The following SCAPER variants were observed in gnomAD, a reference collection of about 807,000 sequenced individuals.
SCAPER encodes S-phase cyclin A associated protein in the ER, also known as S phase cyclin A-associated protein in the endoplasmic reticulum.
SCAPER carries 98 observed loss-of-function variants against 182.2 expected under a neutral mutation model. The observed-to-expected ratio is 0.54, with a 90% CI of 0.46 to 0.64. SCAPER has a LOEUF of 0.64. Among genes scored for constraint, SCAPER ranks in the 30% least tolerant of loss-of-function variants. The pLI is 0.00. For synonymous variants in SCAPER, 605 were observed against 564.6 expected (o/e 1.07, Z -1.01); for missense variants, 1,432 against 1,690.0 (o/e 0.85, Z 2.68).
intron 22 of SCAPER, among the ~76,000 whole-genome samples, chr15:76,611,557 A>T (rs940976558): frequency 6.6e-6 from 1 of 152,154 alleles, no homozygotes; most frequent in Non-Finnish European, 1.5e-5. Context: ...AGGAGGAGGG[A>T]CTCCACCTTA....
chr15:76,813,248 A>C lies in SCAPER; in HGVS notation c.394-8615T>G, dbSNP rs1598875286. 9.7e-5 allele frequency among the ~76,000 whole-genome samples: 6 copies of C among 61,862 alleles called. 1 individual carries two copies. Among genetic ancestry groups the C allele is most frequent in the African/African-American group, 1.9e-4 (6 of 31,306 alleles). 40.6% of individuals were successfully genotyped at this position (61,862 alleles called of 152,430 possible). On this transcript the variant is annotated intron_variant, in intron 5 of 31. Coordinates refer to ENST00000563290, the MANE Select transcript of SCAPER (RefSeq NM_020843.4). Reference sequence around the variant, plus strand: ...TCACTAAAAAAAAAAAAAAAAAAAAAAAAAAAACAACTCAACAAAATAGGT... The same window carrying C: ...TCACTAAAAAAAAAAAAAAAAAAAACAAAAAAACAACTCAACAAAATAGGT...
At chr15:76,769,795 G>T (rs1335403714) in intron 10 of SCAPER, among the ~76,000 whole-genome samples, 1 of 152,176 alleles carries the variant, frequency 6.6e-6, no homozygotes, top group Non-Finnish European at 1.5e-5. Flanking sequence ...AGACAGTGTG[G>T]TGATTCCTTA....
chr15:76,727,937 T>C (rs1020933191), intron 17 of SCAPER, among the ~76,000 whole-genome samples: 7 of 151,994 alleles, frequency 4.6e-5, no homozygotes, highest in African/African-American at 1.4e-4. Flanking sequence ...CTCATAAACA[T>C]GTGAAAAAGT....
At chr15:76,724,211 C>T (rs559539171) in intron 17 of SCAPER, among the ~76,000 whole-genome samples, 1 of 149,594 alleles carries the variant, frequency 6.7e-6, no homozygotes, top group South Asian at 2.1e-4. Context: ...ATATGAAATA[C>T]TGGGTTGAAA....
At chr15:76,553,616 T>A (rs1383232331) in intron 23 of SCAPER, among the ~76,000 whole-genome samples, 1 of 152,016 alleles carries the variant, frequency 6.6e-6, no homozygotes, top group Non-Finnish European at 1.5e-5. Flanking sequence ...CCTAGGCCCC[T>A]CCAGCACAGC....
At chr15:76,551,839 A>T (rs1238118852) in intron 23 of SCAPER, among the ~76,000 whole-genome samples, 1 of 152,134 alleles carries the variant, frequency 6.6e-6, no homozygotes, top group East Asian at 1.9e-4. Flanking sequence ...TTATGAGTCA[A>T]TTATATATAA....
chr15:76,802,160 A>C (rs2065843049), intron 6 of SCAPER, among the ~76,000 whole-genome samples: 1 of 152,188 alleles, frequency 6.6e-6, no homozygotes, highest in Admixed American at 6.5e-5. Flanking sequence ...AAAAAATGAA[A>C]AGAAAAAGAA....
chr15:76,474,998 C>A (rs986652689), intron 24 of SCAPER, among the ~76,000 whole-genome samples: 1 of 152,138 alleles, frequency 6.6e-6, no homozygotes, highest in Non-Finnish European at 1.5e-5. Context: ...TTCTATCTAG[C>A]AAATTCTCCA....
At chr15:76,450,197 G>C (rs1248328323) in intron 25 of SCAPER, among the ~76,000 whole-genome samples, 1 of 152,144 alleles carries the variant, frequency 6.6e-6, no homozygotes, top group East Asian at 1.9e-4. Context: ...GCATATTCTT[G>C]TCTGAAAAGG....
chr15:76,595,798 G>C (rs928419568), intron 22 of SCAPER, among the ~76,000 whole-genome samples: 1 of 121,948 alleles, frequency 8.2e-6, no homozygotes, highest in Non-Finnish European at 2.0e-5. Context: ...AGAATCTCTG[G>C]GACACTGCCA....
intron 11 of SCAPER, among the ~76,000 whole-genome samples, chr15:76,766,456 T>G (rs1402217737): frequency 6.6e-6 from 1 of 152,106 alleles, no homozygotes; most frequent in Non-Finnish European, 1.5e-5. Flanking sequence ...TTTCTATAAA[T>G]TATAATCTCA....
At chr15:76,793,122 A>C in intron 8 of SCAPER, 10 of 626,870 alleles carry the variant, frequency 1.6e-5, no homozygotes, top group Non-Finnish European at 2.1e-5. Context: ...AGAGAACATT[A>C]AATGCATGTG....
intron 15 of SCAPER, among the ~76,000 whole-genome samples, chr15:76,733,989 T>C (rs2061082559): frequency 6.6e-6 from 1 of 152,230 alleles, no homozygotes; most frequent in African/African-American, 2.4e-5. Context: ...TTTAAATTCT[T>C]ATACAGACCA....
rs1309505723 is a variant in SCAPER, at chr15:76,601,325, G to T, written c.2711+20439C>A. On this transcript the variant is annotated intron_variant, in intron 22 of 31. Coordinates refer to ENST00000563290, the MANE Select transcript of SCAPER (RefSeq NM_020843.4). Reference sequence around the variant, plus strand: ...CAATTACAGTCATATGCTGTATAAGGATGTTTCAGTCAATGACAGACTGCA... The same window carrying T: ...CAATTACAGTCATATGCTGTATAAGTATGTTTCAGTCAATGACAGACTGCA... Among the ~76,000 whole-genome samples the T allele has an allele frequency of 1.6e-5, 2 of 121,722 alleles. 1 individual carries two copies. Among genetic ancestry groups the T allele is most frequent in the Non-Finnish European group, 4.0e-5 (2 of 50,076 alleles). The allele number at this position is 121,722 out of a possible 152,430, so 79.9% of individuals were successfully genotyped here. A position where few individuals can be genotyped will look rare whatever the true frequency, so the allele number is the denominator to read the frequency against.
chr15:76,655,934 C>A (rs564930687), intron 21 of SCAPER, among the ~76,000 whole-genome samples: 11 of 151,714 alleles, frequency 7.3e-5, no homozygotes, highest in Non-Finnish European at 1.6e-4. Flanking sequence ...TTATCATGGC[C>A]CACAAAAACA....
chr15:76,607,999 A>T (rs1003429266), intron 22 of SCAPER, among the ~76,000 whole-genome samples: 2 of 152,122 alleles, frequency 1.3e-5, no homozygotes, highest in Admixed American at 1.3e-4. Context: ...GATCGTCTGA[A>T]GCCTTCTTCT....
intron 2 of SCAPER, among the ~76,000 whole-genome samples, chr15:76,876,625 T>C (rs1032995216): frequency 1.3e-5 from 2 of 152,128 alleles, no homozygotes; most frequent in Non-Finnish European, 2.9e-5. Flanking sequence ...AATAAATTTA[T>C]ATTTATTAAC....
At chr15:76,384,525 T>C (rs1313402389) in intron 27 of SCAPER, among the ~76,000 whole-genome samples, 1 of 152,220 alleles carries the variant, frequency 6.6e-6, no homozygotes, top group Non-Finnish European at 1.5e-5. Flanking sequence ...AAAACACTCA[T>C]CTGATGGATT....
rs547856104 is a variant in SCAPER, at chr15:76,447,955, G to A, written c.3079-13645C>T. Among the ~76,000 whole-genome samples the A allele has an allele frequency of 7.2e-5, 11 of 152,296 alleles. No individual in the cohort carries two copies. The South Asian group carries it at 2.1e-3, about 29-fold the overall frequency. On this transcript the variant is annotated intron_variant, in intron 25 of 31. Transcript: ENST00000563290. ...CCTGAGCTGAGTCTCACAGAAAGAG[G>A]AAAAACTTAGCCTGCTGGGATGGTG... is the stretch of plus-strand genomic sequence containing the variant.
Sources: allele counts gnomAD v4.1 joint callset (sites outside exome capture counted in the v4.1 genomes callset), GRCh38; gene constraint gnomAD v4.1.1; transcripts MANE v1.5; gene names NCBI Gene and HGNC (gene_info 2026-07-23, HGNC 2026-07-21).